Variants in FSTL5 observed in about 807,000 individuals in gnomAD.
The protein encoded by FSTL5 is follistatin like 5.
FSTL5 carries 62 observed loss-of-function variants against 89.1 expected under a neutral mutation model. The ratio of observed to expected loss-of-function variants is 0.70; its 90% CI spans 0.57 to 0.86. The LOEUF is 0.86. Among genes scored for constraint, FSTL5 ranks in the 40% least tolerant of loss-of-function variants. The probability of loss-of-function intolerance (pLI) is 0.00; values close to 1 mark genes in which losing one functional copy is unlikely to be tolerated. For missense variants in FSTL5, 1,057 were observed against 1,001.6 expected (o/e 1.06, Z -0.75); for synonymous variants, 383 against 346.2 (o/e 1.11, Z -1.18).
intron 8 of FSTL5, among the ~76,000 whole-genome samples, chr4:161,553,369 G>T (rs72685751): frequency 3.4e-3 from 519 of 151,052 alleles, no homozygotes; most frequent in Non-Finnish European, 5.8e-3. Context: ...ACCTAAAATG[G>T]AAGGAGATAC....
At chr4:162,136,435 T>C (rs936420342) in intron 1 of FSTL5, among the ~76,000 whole-genome samples, 2 of 151,994 alleles carry the variant, frequency 1.3e-5, no homozygotes, top group Non-Finnish European at 2.9e-5. Flanking sequence ...GTGTGTCAAA[T>C]TTCGATTTTA....
intron 13 of FSTL5, among the ~76,000 whole-genome samples, chr4:161,472,242 G>T (rs1293596129): frequency 1.3e-5 from 2 of 152,078 alleles, no homozygotes; most frequent in South Asian, 4.1e-4. Flanking sequence ...CTCCCAAAGT[G>T]CTGGAATTGC....
At chr4:162,159,334 T>TGTATATTTAAATACAACTCAATGAAG (rs1733603615) in intron 1 of FSTL5, among the ~76,000 whole-genome samples, 1 of 152,086 alleles carries the variant, frequency 6.6e-6, no homozygotes, top group Non-Finnish European at 1.5e-5. Context: ...TCTATTACAA[T>TGTATATTTAAATACAACTCAATGAAG]GTATATTTAA....
chr4:162,082,128 GCTAT>G (rs1234150725), intron 2 of FSTL5, among the ~76,000 whole-genome samples: 1 of 151,660 alleles, frequency 6.6e-6, no homozygotes, highest in African/African-American at 2.4e-5. Flanking sequence ...CAGCTGTGGA[GCTAT>G]CTGATTCTTG....
At chr4:161,772,451 T>A (rs962272988) in intron 5 of FSTL5, among the ~76,000 whole-genome samples, 1 of 152,016 alleles carries the variant, frequency 6.6e-6, no homozygotes, top group East Asian at 1.9e-4. Flanking sequence ...ACAAAACTCT[T>A]AACGACTCAT....
chr4:161,503,345 AT>A (rs1730366208), intron 11 of FSTL5, among the ~76,000 whole-genome samples: 1 of 151,830 alleles, frequency 6.6e-6, no homozygotes, highest in Admixed American at 6.6e-5. Flanking sequence ...AACTATTCTC[AT>A]TTCTCCTCAA....
intron 6 of FSTL5, among the ~76,000 whole-genome samples, chr4:161,750,857 G>A (rs1740369365): frequency 6.6e-6 from 1 of 151,934 alleles, no homozygotes; most frequent in African/African-American, 2.4e-5. Flanking sequence ...GACAATATAT[G>A]GTACAGTGTG....
intron 6 of FSTL5, among the ~76,000 whole-genome samples, chr4:161,680,433 T>C (rs1218970680): frequency 1.3e-5 from 2 of 151,978 alleles, no homozygotes; most frequent in African/African-American, 4.8e-5. Context: ...AACGTTAGAT[T>C]GACTTATTAT....
At chr4:161,948,925 T>G (rs1008946389) in intron 3 of FSTL5, among the ~76,000 whole-genome samples, 1 of 152,176 alleles carries the variant, frequency 6.6e-6, no homozygotes, top group South Asian at 2.1e-4. Flanking sequence ...TAATTTCCCA[T>G]TGATGCTGTG....
chr4:161,776,016 T>A lies in FSTL5; in HGVS notation c.468A>T (p.Gln156His). The A allele has an allele frequency of 6.3e-7, 1 of 1,596,702 alleles. No homozygotes were observed. Among genetic ancestry groups the A allele is most frequent in the Non-Finnish European group, 8.6e-7 (1 of 1,167,610 alleles). Residue 156 changes from glutamine (Q) to histidine (H), a missense_variant, in exon 5 of 16, where the codon CAA becomes CAT. This residue lies in a region of FSTL5 where 980 missense variants were observed against 903.2 expected (regional missense o/e 1.08). Coordinates refer to ENST00000306100, the MANE Select transcript of FSTL5 (RefSeq NM_020116.5). ...TTTCTTGCATAATATATTTTTGATT[T>A]TGTAAATCTAATAGCATATTTTTCA... ...SKMKNMLLDL[Q>H]NQKYIMQENE...
intron 6 of FSTL5, among the ~76,000 whole-genome samples, chr4:161,739,285 A>G (rs1311954424): frequency 2.0e-5 from 3 of 152,168 alleles, no homozygotes; most frequent in African/African-American, 4.8e-5. Context: ...ATATCAGGAG[A>G]ATGCCATGTG....
At chr4:162,056,244 T>G (rs1230160101) in intron 2 of FSTL5, among the ~76,000 whole-genome samples, 1 of 152,132 alleles carries the variant, frequency 6.6e-6, no homozygotes, top group African/African-American at 2.4e-5. Flanking sequence ...GTAACAAAAA[T>G]GGGTTACATA....
chr4:161,678,890 C>A (rs147171141), intron 6 of FSTL5, among the ~76,000 whole-genome samples: 22 of 151,624 alleles, frequency 1.5e-4, no homozygotes, highest in East Asian at 1.9e-4. Flanking sequence ...GTATTAATGT[C>A]TTTTTATCTA....
At chr4:161,678,742 AAAAG>A (rs1243598134) in intron 6 of FSTL5, among the ~76,000 whole-genome samples, 5 of 151,950 alleles carry the variant, frequency 3.3e-5, no homozygotes, top group Admixed American at 2.0e-4. Flanking sequence ...AAGGAATGCC[AAAAG>A]AAAGAAAGAA....
chr4:162,065,086 TA>T (rs1738850289), intron 2 of FSTL5, among the ~76,000 whole-genome samples: 1 of 151,990 alleles, frequency 6.6e-6, no homozygotes, highest in South Asian at 2.1e-4. Context: ...TGTCTTACAC[TA>T]TATACAAAAA....
At chr4:161,582,406 C>T (rs928247399) in intron 8 of FSTL5, among the ~76,000 whole-genome samples, 11 of 152,110 alleles carry the variant, frequency 7.2e-5, no homozygotes, top group African/African-American at 2.7e-4. Context: ...CATTTTCTCG[C>T]ATTTTTGTTG....
intron 2 of FSTL5, among the ~76,000 whole-genome samples, chr4:162,097,681 A>T (rs77918977): frequency 6.6e-6 from 1 of 152,084 alleles, no homozygotes; most frequent in East Asian, 1.9e-4. Flanking sequence ...CCTTCACAAA[A>T]GAAAATTTAT....
At chr4:162,074,772 C>T (rs1463795832) in intron 2 of FSTL5, among the ~76,000 whole-genome samples, 1 of 151,646 alleles carries the variant, frequency 6.6e-6, no homozygotes, top group Non-Finnish European at 1.5e-5. Flanking sequence ...CCTTACCTTA[C>T]GATGAGGTTA....
intron 13 of FSTL5, among the ~76,000 whole-genome samples, chr4:161,468,702 T>C (rs11937911): frequency 0.39 from 59,235 of 151,898 alleles, 11,664 homozygotes; most frequent in African/African-American, 0.42. Flanking sequence ...CATTAACTTA[T>C]ATTTTCTCTT....
Sources: gnomAD v4.1 joint callset for allele counts (sites outside exome capture counted in the v4.1 genomes callset) on GRCh38, gnomAD v4.1.1 for gene constraint, gnomAD v4.1.1 regional missense constraint, MANE v1.5 for transcripts, NCBI Gene and HGNC (gene_info 2026-07-23, HGNC 2026-07-21) for gene names.